DPP6: variants seen among roughly 807,000 people sequenced by gnomAD.
The protein encoded by DPP6 is A-type potassium channel modulatory protein DPP6.
In DPP6, 69 loss-of-function variants were observed where a neutral mutation model predicts 122.6. That is an observed-to-expected ratio of 0.56 (90% CI 0.46 to 0.69). DPP6 has a LOEUF of 0.69. Ranked by LOEUF, DPP6 falls within the 30% of genes least tolerant of loss-of-function variation. The pLI, the probability that DPP6 is intolerant of heterozygous loss-of-function variation, is 0.00. For missense variants in DPP6, 928 were observed against 1,116.9 expected (o/e 0.83, Z 2.41); for synonymous variants, 418 against 433.1 (o/e 0.97, Z 0.43).
chr7:154,609,557 ACT>A (rs538991844), intron 5 of DPP6, among the ~76,000 whole-genome samples: 213 of 152,256 alleles, frequency 1.4e-3, no homozygotes, highest in Middle Eastern at 0.014. Flanking sequence ...TTTCTAGATC[ACT>A]CTGTCTCTCT....
intron 3 of DPP6, among the ~76,000 whole-genome samples, chr7:154,535,909 T>C (rs1431788687): frequency 6.6e-6 from 1 of 152,170 alleles, no homozygotes; most frequent in Non-Finnish European, 1.5e-5. Context: ...GTGACTCTTA[T>C]ACAATTGATG....
intron 4 of DPP6, among the ~76,000 whole-genome samples, chr7:154,548,617 G>A (rs2130350532): frequency 6.6e-6 from 1 of 152,064 alleles, no homozygotes; most frequent in South Asian, 2.1e-4. Context: ...GCTAAGGGCT[G>A]TGTACCATCA....
intron 1 of DPP6, among the ~76,000 whole-genome samples, chr7:154,239,442 G>A (rs1162119443): frequency 1.3e-5 from 2 of 152,084 alleles, no homozygotes; most frequent in Non-Finnish European, 2.9e-5. Context: ...ATGAAGATGA[G>A]GAGGATAAAG....
intron 4 of DPP6, among the ~76,000 whole-genome samples, chr7:154,557,395 G>A (rs918176574): frequency 2.6e-5 from 4 of 152,144 alleles, no homozygotes; most frequent in Non-Finnish European, 5.9e-5. Flanking sequence ...TTCTTTGCTG[G>A]TTTCTTTTGG....
intron 1 of DPP6, among the ~76,000 whole-genome samples, chr7:154,193,597 A>G (rs1798720418): frequency 6.6e-6 from 1 of 152,168 alleles, no homozygotes; most frequent in African/African-American, 2.4e-5. Context: ...AGAGGTCTGC[A>G]GAGAATGGCA....
intron 1 of DPP6, among the ~76,000 whole-genome samples, chr7:154,250,412 T>G (rs900846017): frequency 6.6e-6 from 1 of 152,024 alleles, no homozygotes; most frequent in Admixed American, 6.6e-5. Flanking sequence ...GGCGTGTGGG[T>G]GCGTGCGCTG....
At chr7:154,231,226 T>A (rs547102793) in intron 1 of DPP6, among the ~76,000 whole-genome samples, 1 of 152,316 alleles carries the variant, frequency 6.6e-6, no homozygotes, top group East Asian at 1.9e-4. Flanking sequence ...AATGATGTCT[T>A]TGACATGGAT....
chr7:154,158,285 A>C (rs118183257), intron 1 of DPP6, among the ~76,000 whole-genome samples: 8,643 of 151,040 alleles, frequency 0.057, 287 homozygotes, highest in Non-Finnish European at 0.077. Flanking sequence ...TTCTTTTCTC[A>C]GAGTTCATGG....
the DPP6 span, among the ~76,000 whole-genome samples, chr7:153,786,793 G>A: frequency 7.5e-6 from 1 of 133,580 alleles, no homozygotes; most frequent in Non-Finnish European, 1.6e-5. Flanking sequence ...CATCAGCTTG[G>A]GCAAATCATT....
intron 1 of DPP6, among the ~76,000 whole-genome samples, chr7:153,901,438 C>T (rs1799634965): frequency 6.6e-6 from 1 of 152,162 alleles, no homozygotes; most frequent in Non-Finnish European, 1.5e-5. Context: ...TTTCCCAGAC[C>T]ACCATAGTGG....
At chr7:153,888,838 G>A (rs1053534702) in intron 1 of DPP6, among the ~76,000 whole-genome samples, 9 of 151,772 alleles carry the variant, frequency 5.9e-5, no homozygotes, top group African/African-American at 1.9e-4. Context: ...TCTTTCAGGG[G>A]CAAGGTCCAG....
At chr7:154,393,362 A>G (rs1281397300) in intron 1 of DPP6, among the ~76,000 whole-genome samples, 1 of 152,236 alleles carries the variant, frequency 6.6e-6, no homozygotes, top group Non-Finnish European at 1.5e-5. Flanking sequence ...GCCTAGTGCA[A>G]ACTGAGCCTG....
chr7:154,403,159 CG>C lies in DPP6; in HGVS notation c.244-43054del, dbSNP rs1815784436. Among the ~76,000 whole-genome samples the C allele has an allele frequency of 6.6e-6, 1 of 152,202 alleles. No individual in the cohort carries two copies. The highest frequency in any genetic ancestry group is 6.5e-5 in the Admixed American group (1 of 15,284). ...CTGTCTCTTTTCTTTGTGGTTCTAA[CG>C]TGTCACCCACGTTAGTTCCCTGGAC... On this transcript the variant is annotated intron_variant, in intron 1 of 25. Coordinates refer to ENST00000377770, the MANE Select transcript of DPP6 (RefSeq NM_130797.4). The surrounding 1 kb of genome is among the most constrained non-coding windows in gnomAD (Gnocchi z 4.1).
chr7:153,977,772 G>A (rs910213663), intron 1 of DPP6, among the ~76,000 whole-genome samples: 33 of 150,950 alleles, frequency 2.2e-4, no homozygotes, highest in Non-Finnish European at 4.6e-4. Context: ...TGTTCTCATT[G>A]TTCAACTCCC....
chr7:154,518,002 A>AGTT (rs1826668295), intron 3 of DPP6, among the ~76,000 whole-genome samples: 1 of 152,178 alleles, frequency 6.6e-6, no homozygotes, highest in African/African-American at 2.4e-5. Flanking sequence ...ATCAGCTAAC[A>AGTT]GGACAGAACT....
intron 1 of DPP6, among the ~76,000 whole-genome samples, chr7:154,042,416 G>A (rs1157057097): frequency 1.3e-5 from 2 of 152,140 alleles, no homozygotes; most frequent in African/African-American, 4.8e-5. Flanking sequence ...AATTTATATA[G>A]TTTCCTCTTG....
At chr7:154,187,200 G>C (rs1028299723) in intron 1 of DPP6, among the ~76,000 whole-genome samples, 2 of 152,202 alleles carry the variant, frequency 1.3e-5, no homozygotes, top group Non-Finnish European at 2.9e-5. Flanking sequence ...CCACTAATTT[G>C]TTCTCTTTAA....
At position 154,027,944 on chromosome 7, in the gene DPP6, C is replaced by T. The variant is rs148950954; in HGVS notation, c.51+140210C>T. On this transcript the variant is annotated intron_variant, in intron 1 of 25. Coordinates refer to the DPP6 transcript ENST00000404039. ...TGGATCCCGGAAACATGGGTGGCTGCCTGCCTGCCAGCCTCAGTTTATTTC... is the reference window on the plus strand; with the variant it reads ...TGGATCCCGGAAACATGGGTGGCTGTCTGCCTGCCAGCCTCAGTTTATTTC... Among the ~76,000 whole-genome samples the T allele has an allele frequency of 7.8e-3, 1,180 of 151,002 alleles. 50 individuals carry two copies. The highest frequency in any genetic ancestry group is 0.021 in the South Asian group (100 of 4,718).
chr7:154,235,196 C>T lies in DPP6; in HGVS notation c.243+182133C>T, dbSNP rs1015905920. Among the ~76,000 whole-genome samples the T allele has an allele frequency of 4.6e-5, 7 of 152,338 alleles. No homozygotes were observed. The South Asian group carries it at 1.2e-3, about 27-fold the overall frequency. On this transcript the variant is annotated intron_variant, in intron 1 of 25. Coordinates refer to ENST00000377770, the MANE Select transcript of DPP6 (RefSeq NM_130797.4). ...GTCACTCTGCATCCTCTGTCCCCAA[C>T]CCCTGGCACCCAGGCATCTGTGATC...
Sources: allele counts gnomAD v4.1 joint callset (sites outside exome capture counted in the v4.1 genomes callset), GRCh38; gene constraint gnomAD v4.1.1; non-coding constraint Gnocchi (gnomAD v3.1); transcripts MANE v1.5; gene names NCBI Gene and HGNC (gene_info 2026-07-23, HGNC 2026-07-21).